PKD1: variants seen among roughly 807,000 people sequenced by gnomAD.
PKD1 encodes the protein polycystin 1, transient receptor potential channel interacting, also known as polycystin-1.
PKD1 carries 81 observed loss-of-function variants against 361.7 expected under a neutral mutation model. The observed-to-expected ratio is 0.22, with a 90% CI of 0.19 to 0.27. The LOEUF (loss-of-function observed/expected upper bound fraction) is 0.27. Among genes scored for constraint, PKD1 ranks in the 10% least tolerant of loss-of-function variants. The probability of loss-of-function intolerance (pLI) is 1.00; values close to 1 mark genes in which losing one functional copy is unlikely to be tolerated. For synonymous variants in PKD1, 3,615 were observed against 2,818.3 expected (o/e 1.28, Z -8.95); for missense variants, 6,399 against 6,118.3 (o/e 1.05, Z -1.53).
chr16:2,113,110 C>T, intron 12 of PKD1, 51 bp downstream of exon 12: 1 of 653,058 alleles, frequency 1.5e-6, no homozygotes, highest in Non-Finnish European at 2.7e-6. Flanking sequence ...TGGAGCCCGC[C>T]CCCGCCCTGC....
chr16:2,094,766 C>G (rs1170312833), intron 34 of PKD1: 1 of 161,914 alleles, frequency 6.2e-6, no homozygotes, highest in East Asian at 1.8e-4. Flanking sequence ...GGCCACCATG[C>G]TGATATGCCC....
rs1272276751 is a variant in PKD1, at chr16:2,093,613, G to C, written c.10947C>G (p.Pro3649=). ...VSARVPRVRP[P]HGFALFLAKE... ...TGGCCAGGAAGAGTGCAAAGCCGTG[G>C]GGTGGCCGTACGCGGGGCACACGTG... is the stretch of plus-strand genomic sequence containing the variant. Residue 3649 remains proline (P), a synonymous_variant, in exon 37 of 46, where the codon CCC becomes CCG. Coordinates refer to ENST00000262304, the MANE Select transcript of PKD1 (RefSeq NM_001009944.3). 2 of 1,609,366 alleles carry C rather than the reference G, an allele frequency of 1.2e-6. No homozygotes were observed. The highest frequency in any genetic ancestry group is 2.7e-5 in the African/African-American group (2 of 74,864).
At chr16:2,123,227 G>A (rs3898763) in intron 1 of PKD1, among the ~76,000 whole-genome samples, 1 of 152,136 alleles carries the variant, frequency 6.6e-6, no homozygotes, top group Non-Finnish European at 1.5e-5. Flanking sequence ...CCAAGGCCCA[G>A]AAATGCAGCA....
At chr16:2,127,682 A>G (rs1300613220) in intron 1 of PKD1, among the ~76,000 whole-genome samples, 1 of 151,470 alleles carries the variant, frequency 6.6e-6, no homozygotes, top group Admixed American at 6.6e-5. Context: ...GAGCCAGGTC[A>G]CTGCTACACT....
intron 37 of PKD1, 84 bp from the exon 38 acceptor site, chr16:2,093,177 G>C: frequency 6.6e-7 from 1 of 1,526,560 alleles, no homozygotes; most frequent in Non-Finnish European, 9.0e-7. Flanking sequence ...AGCCATGGCT[G>C]CGGCAGGTGT....
intron 9 of PKD1, 43 bp from the exon 10 acceptor site, chr16:2,115,668 G>A (rs760947151): frequency 6.3e-7 from 1 of 1,580,746 alleles, no homozygotes; most frequent in Non-Finnish European, 8.6e-7. Flanking sequence ...TTGCCCACAG[G>A]CCACCGTCAG....
At position 2,116,557 on chromosome 16, in the gene PKD1, C is replaced by T. The variant is rs1337645179; in HGVS notation, c.1694G>A (p.Gly565Asp). 4 of 1,562,844 alleles carry T rather than the reference C, an allele frequency of 2.6e-6. No homozygotes were observed. The African/African-American group carries it at 5.4e-5, about 21-fold the overall frequency. Residue 565 changes from glycine (G) to aspartate (D), a missense_variant, in exon 8 of 46, where the codon GGC becomes GAC. Transcript: ENST00000262304. ...GPLTPLAQQD[G>D]LSAPHEPVEV... The stretch of plus-strand genomic sequence containing the variant: ...CACGGGCTCGTGCGGGGCTGAGAGG[C>T]CGTCCTGCTGTGCCAGAGGCGTCAG...
intron 1 of PKD1, among the ~76,000 whole-genome samples, chr16:2,120,801 G>A (rs2092708513): frequency 6.6e-6 from 1 of 152,190 alleles, no homozygotes; most frequent in Non-Finnish European, 1.5e-5. Context: ...GGTGGATCAT[G>A]AGATCAAGAG....
chr16:2,115,758 A>G, intron 9 of PKD1, 133 bp from the exon 10 acceptor site: 1 of 1,036,388 alleles, frequency 9.6e-7, no homozygotes, highest in South Asian at 1.5e-5. Context: ...CTCCCAGCCC[A>G]GTGCTGCGTC....
chr16:2,105,554 G>C, intron 20 of PKD1, 80 bp from the exon 21 acceptor site: 1 of 1,594,870 alleles, frequency 6.3e-7, no homozygotes, highest in Non-Finnish European at 8.5e-7. Flanking sequence ...ACGACTCCCG[G>C]GGTGCAGTTA....
In PKD1 at chr16:2,114,380, G is replaced by A. The variant is rs765764257; in HGVS notation, c.2643C>T (p.Phe881=). 4.2e-5 allele frequency: 68 copies of A among 1,608,936 alleles called. No homozygotes were observed. The highest frequency in any genetic ancestry group is 8.0e-5 in the African/African-American group (6 of 74,844). The change falls in exon 11 of 46, where the codon TTC becomes TTT. Residue 881 remains phenylalanine (F), a synonymous_variant. Coordinates refer to ENST00000262304, the MANE Select transcript of PKD1 (RefSeq NM_001009944.3). ...ENVCPALVAT[F]VPGCPWETND... ...TGGTCTCCCAGGGGCAGCCGGGCAC[G>A]AAGGTGGCCACCAGGGCAGGGCAGA... is the stretch of plus-strand genomic sequence containing the variant.
At position 2,092,600 on chromosome 16, in the gene PKD1, A is replaced by G. The variant is rs370278096; in HGVS notation, c.11157-8T>C. On this transcript the variant is annotated splice_polypyrimidine_tract_variant and splice_region_variant and intron_variant, in intron 38 of 45. Transcript: ENST00000262304. ...GGCCAGAGCTCCTCAGACCTGCCAC[A>G]GCATCAGTCACACGCTCCAGCCCCT... 18 of 1,587,650 alleles carry G rather than the reference A, an allele frequency of 1.1e-5. No individual in the cohort carries two copies. Among genetic ancestry groups the G allele is most frequent in the Non-Finnish European group, 1.6e-5 (18 of 1,158,536 alleles).
intron 8 of PKD1, 131 bp downstream of exon 8, chr16:2,116,398 C>A: frequency 3.2e-6 from 2 of 634,122 alleles, no homozygotes; most frequent in Non-Finnish European, 5.7e-6. Flanking sequence ...TGGATTTTCC[C>A]AACCATCTTC....
chr16:2,091,507 G>T lies in PKD1; in HGVS notation c.11628C>A (p.Ala3876=). 2 of 1,435,970 alleles carry T rather than the reference G, an allele frequency of 1.4e-6. No individual in the cohort carries two copies. The highest frequency in any genetic ancestry group is 1.8e-6 in the Non-Finnish European group (2 of 1,104,466). The allele number at this position is 1,435,970 out of a possible 1,614,324, so 89.0% of individuals were successfully genotyped here. A position where few individuals can be genotyped will look rare whatever the true frequency, so the allele number is the denominator to read the frequency against. Residue 3876 remains alanine, a synonymous_variant, in exon 42 of 46, where the codon GCC becomes GCA. Transcript: ENST00000262304. The stretch of plus-strand genomic sequence containing the variant: ...CGCTGAGGGCGGCCAGGGCGCGGCC[G>T]GCCGCCGGGAACTCGAGGCGCAGCG... ...AVTLRLEFPA[A]GRALAALSVR...
intron 34 of PKD1, 161 bp downstream of exon 34, chr16:2,096,987 C>T (rs1327061763): frequency 3.1e-6 from 2 of 640,660 alleles, no homozygotes; most frequent in Non-Finnish European, 5.6e-6. Flanking sequence ...CCATGAGGCT[C>T]TTTCCACAGA....
intron 35 of PKD1, 37 bp downstream of exon 35, chr16:2,094,055 G>C: frequency 6.3e-7 from 1 of 1,587,338 alleles, no homozygotes; most frequent in Admixed American, 1.7e-5. Flanking sequence ...AGCTCACAGG[G>C]AGGGGCTAGG....
intron 39 of PKD1, 60 bp from the exon 40 acceptor site, chr16:2,092,248 T>C: frequency 6.6e-7 from 1 of 1,519,390 alleles, no homozygotes; most frequent in Non-Finnish European, 8.9e-7. Context: ...ACAGGAGTGT[T>C]TCCTGCTGGC....
rs778401068 is a variant in PKD1 at position 2,103,287 on chromosome 16, G to A, written c.8770C>T (p.Leu2924Phe). 6.2e-7 allele frequency: 1 copy of A among 1,609,698 alleles called. No individual in the cohort carries two copies. The highest frequency in any genetic ancestry group is 8.5e-7 in the Non-Finnish European group (1 of 1,179,690). ...GCACCGTCCAGCAGCGTATAGTTGA[G>A]CTGCAGATGCAGCCCGGCCGCAGGG... ...SNPAAGLHLQ[L>F]NYTLLDGHYL... is the part of the protein sequence containing the mutation. The change falls in exon 23 of 46, where the codon CTC (leucine) becomes TTC (phenylalanine). Residue 2924 changes from leucine to phenylalanine, a missense_variant. Coordinates refer to ENST00000262304, the MANE Select transcript of PKD1 (RefSeq NM_001009944.3).
intron 1 of PKD1, among the ~76,000 whole-genome samples, chr16:2,126,603 T>C (rs905278225): frequency 2.0e-5 from 3 of 152,278 alleles, no homozygotes; most frequent in East Asian, 1.9e-4. Context: ...GCGCCCCCGC[T>C]GCTGTGCCCG....
Sources: allele counts gnomAD v4.1 joint callset (sites outside exome capture counted in the v4.1 genomes callset), GRCh38; gene constraint gnomAD v4.1.1; transcripts MANE v1.5; gene names NCBI Gene and HGNC (gene_info 2026-07-23, HGNC 2026-07-21).